CASP2: variants seen among roughly 807,000 people sequenced by gnomAD.
The protein encoded by CASP2 is caspase-2.
Under a neutral mutation model 54.4 loss-of-function variants are expected in CASP2, and 38 were observed. That is an observed-to-expected ratio of 0.70 (90% CI 0.54 to 0.92). CASP2 has a LOEUF of 0.92. Among genes scored for constraint, CASP2 ranks in the 40% least tolerant of loss-of-function variants. The pLI is 0.00. For synonymous variants in CASP2, 215 were observed against 216.3 expected (o/e 0.99, Z 0.05); for missense variants, 512 against 579.6 (o/e 0.88, Z 1.20).
chr7:143,290,135 A>G (rs1801513537), intron 1 of CASP2, among the ~76,000 whole-genome samples: 1 of 135,594 alleles, frequency 7.4e-6, no homozygotes, highest in Admixed American at 8.9e-5. Context: ...ATCTCAGCTC[A>G]CTGCAACCTC....
At chr7:143,300,878 T>C in intron 8 of CASP2, 1 of 1,105,276 alleles carries the variant, frequency 9.0e-7, no homozygotes, top group South Asian at 2.3e-5. Context: ...CAGTCTGTTT[T>C]ACTCCTTTAA....
intron 2 of CASP2, 125 bp downstream of exon 2, chr7:143,291,815 G>A (rs1005814000): frequency 7.0e-6 from 5 of 709,266 alleles, no homozygotes; most frequent in Non-Finnish European, 1.1e-5. Flanking sequence ...CAGAGTCTCT[G>A]TCTCCCAGGC....
In CASP2 at chr7:143,294,718, C is replaced by T; in HGVS notation, c.692C>T (p.Thr231Ile). ...GATGTGGACCACAGTACTCTAGTCA[C>T]CCTCTTCAAGCTTTTGGGCTATGAC... is the stretch of plus-strand genomic sequence containing the variant. ...GGDVDHSTLV[T>I]LFKLLGYDVH... is the part of the protein sequence containing the mutation. Residue 231 changes from threonine to isoleucine, a missense_variant, in exon 6 of 11, where the codon ACC (threonine) becomes ATC (isoleucine). By Grantham distance (89) the Thr-to-Ile change is moderately conservative. This residue lies in a region of CASP2 where 417 missense variants were observed against 495.4 expected (regional missense o/e 0.84). Coordinates refer to ENST00000310447, the MANE Select transcript of CASP2 (RefSeq NM_032982.4). 1.2e-6 allele frequency: 2 copies of T among 1,614,164 alleles called. No individual in the cohort carries two copies. Among genetic ancestry groups the T allele is most frequent in the Non-Finnish European group, 1.7e-6 (2 of 1,180,032 alleles).
Position 143,291,628 on chromosome 7 carries a change from G to A in CASP2, c.163G>A (p.Glu55Lys), listed in dbSNP as rs200501629. The A allele has an allele frequency of 6.2e-7, 1 of 1,613,902 alleles. No homozygotes were observed. The highest frequency in any genetic ancestry group is 8.5e-7 in the Non-Finnish European group (1 of 1,179,988). ...VVLAKQLLLS[E>K]LLEHLLEKDI... ...GCTAGCCAAACAGCTGTTGTTGAGCGAATTGTTAGAACATCTTCTGGAGAA... is the reference window on the plus strand; with the variant it reads ...GCTAGCCAAACAGCTGTTGTTGAGCAAATTGTTAGAACATCTTCTGGAGAA... Residue 55 changes from glutamate (E) to lysine (K), a missense_variant, in exon 2 of 11, where the codon GAA becomes AAA. This residue lies in a region of CASP2 where 6 missense variants were observed against 17.1 expected (regional missense o/e 0.35). Coordinates refer to ENST00000310447, the MANE Select transcript of CASP2 (RefSeq NM_032982.4).
intron 6 of CASP2, 115 bp from the exon 7 acceptor site, chr7:143,299,808 A>ATAT: frequency 8.8e-7 from 1 of 1,141,682 alleles, no homozygotes; most frequent in South Asian, 1.3e-5. Flanking sequence ...GACCACAGGA[A>ATAT]TATACATAAA....
Position 143,300,203 on chromosome 7 carries a change from G to A in CASP2, c.877-1G>A. 1 of 1,614,104 alleles carries A rather than the reference G, an allele frequency of 6.2e-7. No individual in the cohort carries two copies. The highest frequency in any genetic ancestry group is 1.7e-5 in the Admixed American group (1 of 60,018). ...TCTTCTTCCTTCTTTCTTTCTGGCA[G>A]CTCCAAGAGGTTTTTCAGCTCTTTG... is the stretch of plus-strand genomic sequence containing the variant. On this transcript the variant is annotated splice_acceptor_variant, in intron 7 of 10. Transcript: ENST00000310447. LOFTEE classifies it high-confidence loss of function.
intron 4 of CASP2, chr7:143,293,119 T>G (rs771343563): frequency 3.3e-4 from 217 of 647,818 alleles, no homozygotes; most frequent in African/African-American, 2.3e-3. Flanking sequence ...TTTTTGTTTT[T>G]TTTTTTTTTT....
rs1802031354 is a variant in CASP2 at position 143,305,132 on chromosome 7, G to A, written c.*61G>A. 2 of 1,602,232 alleles carry A rather than the reference G, an allele frequency of 1.2e-6. No individual in the cohort carries two copies. Among genetic ancestry groups the A allele is most frequent in the African/African-American group, 1.3e-5 (1 of 74,788 alleles). ...ACTGGACCACAGGAGGTGTGATAGA[G>A]CCTTTGATCTTCAGGATGCACGGTT... On this transcript the variant is annotated 3_prime_UTR_variant, in exon 11 of 11. Coordinates refer to ENST00000310447, the MANE Select transcript of CASP2 (RefSeq NM_032982.4).
intron 6 of CASP2, among the ~76,000 whole-genome samples, 170 bp from the exon 7 acceptor site, chr7:143,299,753 C>T (rs1404579073): frequency 6.6e-6 from 1 of 152,086 alleles, no homozygotes; most frequent in East Asian, 1.9e-4. Context: ...TCTGGTGAGT[C>T]CATAGCTTTC....
chr7:143,292,797 G>A (rs1327028756), intron 4 of CASP2, 99 bp downstream of exon 4: 6 of 930,000 alleles, frequency 6.5e-6, no homozygotes, highest in East Asian at 4.9e-5. Context: ...GATCACCTGA[G>A]GTCAGGAGTT....
At chr7:143,302,218 T>G (rs1801936777) in intron 8 of CASP2, 1 of 152,224 alleles carries the variant, frequency 6.6e-6, no homozygotes, top group Admixed American at 6.5e-5. Context: ...TTGGCCTGTT[T>G]CCTTTAGGCG....
intron 1 of CASP2, 100 bp from the exon 2 acceptor site, chr7:143,291,436 TGTAA>T (rs1344113537): frequency 3.5e-6 from 4 of 1,139,686 alleles, no homozygotes; most frequent in African/African-American, 3.1e-5. Context: ...TCTTGGTTAT[TGTAA>T]GTCTTATTCT....
chr7:143,293,093 C>A, intron 4 of CASP2: 1 of 638,626 alleles, frequency 1.6e-6, no homozygotes. Context: ...TGGCTTTGTC[C>A]TAACATGAGC....
At position 143,300,293 on chromosome 7, in the gene CASP2, A is replaced by G. The variant is rs1434380043; in HGVS notation, c.966A>G (p.Gly322=). 2 of 1,613,678 alleles carry G rather than the reference A, an allele frequency of 1.2e-6. No homozygotes were observed. The highest frequency in any genetic ancestry group is 1.7e-6 in the Non-Finnish European group (2 of 1,180,030). Residue 322 remains glycine, a splice_region_variant and synonymous_variant, in exon 8 of 11, where the codon GGA becomes GGG. Transcript: ENST00000310447. The stretch of plus-strand genomic sequence containing the variant: ...TGTTCTTCATCCAGGCCTGCCGTGG[A>G]GGTGAGTGCCCTAGCAGACCAGCAC... ...PKMFFIQACR[G]DETDRGVDQQ...
Position 143,294,849 on chromosome 7 carries a change from C to T in CASP2, c.747+76C>T. On this transcript the variant is annotated intron_variant, in intron 6 of 10. Transcript: ENST00000310447. ...TTTGGGACCAGAGACATCGTTTGTTCCTGTGCCTGCTGGGATATGTCTTAA... is the reference window on the plus strand; with the variant it reads ...TTTGGGACCAGAGACATCGTTTGTTTCTGTGCCTGCTGGGATATGTCTTAA... 3.1e-6 allele frequency: 4 copies of T among 1,282,534 alleles called. No homozygotes were observed. In the South Asian group the frequency reaches 3.7e-5, roughly 12 times the overall value. 79.4% of individuals were successfully genotyped at this position (1,282,534 alleles called of 1,614,324 possible).
intron 6 of CASP2, among the ~76,000 whole-genome samples, chr7:143,295,029 T>A (rs1019163815): frequency 1.4e-5 from 2 of 141,212 alleles, no homozygotes; most frequent in African/African-American, 5.2e-5. Context: ...GGTGTCTCAC[T>A]TTTTTTTTTT....
rs941531083 is a variant in CASP2 at position 143,305,502 on chromosome 7, C to G, written c.*431C>G. ...TATCTTTTATTTCATTCATATCCTC[C>G]GCCCTTTTTGTCCTAGAGTGAGAGT... On this transcript the variant is annotated 3_prime_UTR_variant, in exon 11 of 11. Coordinates refer to ENST00000310447, the MANE Select transcript of CASP2 (RefSeq NM_032982.4). 1 of 305,956 alleles carries G rather than the reference C, an allele frequency of 3.3e-6. No individual in the cohort carries two copies. Among genetic ancestry groups the G allele is most frequent in the Non-Finnish European group, 6.4e-6 (1 of 155,858 alleles). The allele number at this position is 305,956 out of a possible 1,614,324, so 19.0% of individuals were successfully genotyped here.
At position 143,297,135 on chromosome 7, in the gene CASP2, G is replaced by C. The variant is rs562618221; in HGVS notation, c.747+2362G>C. Among the ~76,000 whole-genome samples the C allele has an allele frequency of 2.0e-5, 3 of 152,162 alleles. No homozygotes were observed. In the East Asian group the frequency reaches 5.8e-4, roughly 29 times the overall value. On this transcript the variant is annotated intron_variant, in intron 6 of 10. Coordinates refer to ENST00000310447, the MANE Select transcript of CASP2 (RefSeq NM_032982.4). ...TATAATTTAGCATATAATTTCAGAG[G>C]GTTCACAAGTTACTCTCTTCACATG...
chr7:143,297,252 TC>T (rs1801783114), intron 6 of CASP2, among the ~76,000 whole-genome samples: 1 of 152,144 alleles, frequency 6.6e-6, no homozygotes, highest in South Asian at 2.1e-4. Flanking sequence ...AATCTGCAGA[TC>T]CTATTTTAAG....
Sources: allele counts gnomAD v4.1 joint callset (sites outside exome capture counted in the v4.1 genomes callset), GRCh38; gene constraint gnomAD v4.1.1; regional missense constraint gnomAD v4.1.1; transcripts MANE v1.5; gene names NCBI Gene and HGNC (gene_info 2026-07-23, HGNC 2026-07-21).